Variants in NRXN3 observed in about 807,000 individuals in gnomAD.
NRXN3 encodes the protein neurexin 3, also known as neurexin III.
In NRXN3, 32 loss-of-function variants were observed where a neutral mutation model predicts 137.6. The ratio of observed to expected loss-of-function variants is 0.23; its 90% confidence interval spans 0.18 to 0.31. The LOEUF is 0.31. Ranked by LOEUF, NRXN3 falls within the 10% of genes least tolerant of loss-of-function variation. NRXN3 has a pLI of 1.00. For missense variants in NRXN3, 1,574 were observed against 2,062.5 expected (o/e 0.76, Z 4.59); for synonymous variants, 798 against 784.5 (o/e 1.02, Z -0.29).
chr14:78,900,626 A>G lies in NRXN3; in HGVS notation c.2276-56616A>G, dbSNP rs2099192886. Among the ~76,000 whole-genome samples, 2 of 151,946 alleles carry G rather than the reference A, an allele frequency of 1.3e-5. 1 individual carries two copies. Among genetic ancestry groups the G allele is most frequent in the South Asian group, 4.2e-4 (2 of 4,818 alleles). ...TTAAAATTTTTACAAATCTGTAAAA[A>G]ATAAAATAGTATTATCAATGTTTTC... On this transcript the variant is annotated intron_variant, in intron 10 of 20. Coordinates refer to ENST00000335750, the MANE Select transcript of NRXN3 (RefSeq NM_001330195.2).
chr14:79,666,240 TAAG>T (rs1411895435), intron 17 of NRXN3, among the ~76,000 whole-genome samples: 1 of 152,146 alleles, frequency 6.6e-6, no homozygotes, highest in Non-Finnish European at 1.5e-5. Flanking sequence ...TGTTGTTCTT[TAAG>T]AAGATGTTCA....
chr14:79,217,749 C>G (rs2068796437), intron 15 of NRXN3, among the ~76,000 whole-genome samples: 1 of 152,148 alleles, frequency 6.6e-6, no homozygotes, highest in Non-Finnish European at 1.5e-5. Context: ...ACTGATTTAA[C>G]TGGTCTAAGG....
intron 1 of NRXN3, among the ~76,000 whole-genome samples, chr14:78,224,750 CTTTTTTTTTTTTT>C (rs35800837): frequency 2.5e-4 from 16 of 64,844 alleles, no homozygotes; most frequent in East Asian, 1.9e-3. Context: ...GTGCATGTGT[CTTTTTTTTTTTTT>C]TTTTTTTTTT....
At chr14:79,274,150 C>T (rs2079887956) in intron 15 of NRXN3, among the ~76,000 whole-genome samples, 2 of 150,074 alleles carry the variant, frequency 1.3e-5, no homozygotes, top group South Asian at 4.2e-4. Context: ...GTTTTCACAG[C>T]AGCTAACAAG....
At chr14:79,748,793 G>GT in intron 19 of NRXN3, among the ~76,000 whole-genome samples, 1 of 151,934 alleles carries the variant, frequency 6.6e-6, no homozygotes, top group East Asian at 1.9e-4. Context: ...ATTGTCAAAT[G>GT]TACAAATACA....
chr14:79,694,207 C>T (rs1160452321), intron 18 of NRXN3, among the ~76,000 whole-genome samples: 2 of 151,882 alleles, frequency 1.3e-5, no homozygotes, highest in Non-Finnish European at 2.9e-5. Context: ...CTTAGACAAT[C>T]CACTTAACCT....
intron 2 of NRXN3, among the ~76,000 whole-genome samples, chr14:78,246,783 A>G (rs1303249487): frequency 1.3e-5 from 2 of 151,200 alleles, no homozygotes; most frequent in African/African-American, 4.9e-5. Flanking sequence ...ATAGATCTAC[A>G]CAAAACAAGA....
intron 4 of NRXN3, among the ~76,000 whole-genome samples, chr14:78,635,631 A>G (rs1566942555): frequency 6.6e-6 from 1 of 152,188 alleles, no homozygotes; most frequent in Admixed American, 6.5e-5. Context: ...GTCCTTATGA[A>G]GTCCACAGAA....
chr14:79,694,134 G>A (rs1039030009), intron 18 of NRXN3, among the ~76,000 whole-genome samples: 2 of 151,940 alleles, frequency 1.3e-5, no homozygotes, highest in African/African-American at 4.8e-5. Flanking sequence ...GGGGTGGAGA[G>A]CTGGGTCATA....
At chr14:79,521,985 G>A (rs2097070175) in intron 16 of NRXN3, among the ~76,000 whole-genome samples, 1 of 152,128 alleles carries the variant, frequency 6.6e-6, no homozygotes, top group African/African-American at 2.4e-5. Context: ...TTGGGAGGAT[G>A]TTTCTATAAA....
intron 15 of NRXN3, among the ~76,000 whole-genome samples, chr14:79,318,545 G>A (rs372784413): frequency 7.2e-5 from 11 of 152,290 alleles, no homozygotes; most frequent in Middle Eastern, 3.4e-3. Flanking sequence ...ATTCTAGAAC[G>A]AAGTAATAAC....
At chr14:78,896,374 T>C (rs560471631) in intron 10 of NRXN3, among the ~76,000 whole-genome samples, 7 of 151,994 alleles carry the variant, frequency 4.6e-5, no homozygotes, top group Non-Finnish European at 7.4e-5. Context: ...TCTTGTAAAA[T>C]AATATAATAA....
intron 4 of NRXN3, among the ~76,000 whole-genome samples, chr14:78,606,880 C>T (rs1257257807): frequency 2.0e-5 from 3 of 152,138 alleles, no homozygotes; most frequent in East Asian, 1.9e-4. Flanking sequence ...TTTTAAGTAA[C>T]GTATAAACCT....
chr14:78,806,597 T>C (rs1166534073), intron 9 of NRXN3, among the ~76,000 whole-genome samples: 2 of 152,238 alleles, frequency 1.3e-5, no homozygotes, highest in African/African-American at 4.8e-5. Context: ...AAGCCTAGTA[T>C]ATATTTCTCT....
At chr14:79,448,449 AG>A (rs1346127612) in intron 15 of NRXN3, among the ~76,000 whole-genome samples, 1 of 152,248 alleles carries the variant, frequency 6.6e-6, no homozygotes, top group Non-Finnish European at 1.5e-5. Flanking sequence ...TATTAAGTCA[AG>A]GACTTTGCTA....
intron 10 of NRXN3, among the ~76,000 whole-genome samples, chr14:78,864,753 G>A (rs2099082202): frequency 6.6e-6 from 1 of 152,140 alleles, no homozygotes; most frequent in South Asian, 2.1e-4. Context: ...TTCATAAAGA[G>A]TGGACAGTCT....
intron 14 of NRXN3, among the ~76,000 whole-genome samples, chr14:78,984,445 A>G (rs1482027873): frequency 1.3e-5 from 2 of 152,232 alleles, no homozygotes; most frequent in Non-Finnish European, 2.9e-5. Flanking sequence ...AGTTCTGCTA[A>G]TGGGGGCTTC....
chr14:79,106,389 A>T (rs538788819), intron 15 of NRXN3, among the ~76,000 whole-genome samples: 1 of 152,242 alleles, frequency 6.6e-6, no homozygotes, highest in East Asian at 1.9e-4. Flanking sequence ...AAGCCAGAAG[A>T]ACTGCTTTAC....
chr14:79,795,037 T>A (rs546743022), intron 19 of NRXN3, among the ~76,000 whole-genome samples: 1 of 152,322 alleles, frequency 6.6e-6, no homozygotes, highest in African/African-American at 2.4e-5. Flanking sequence ...CAAAAAACCC[T>A]GTGGATGACC....
Sources: allele counts gnomAD v4.1 joint callset (sites outside exome capture counted in the v4.1 genomes callset), GRCh38; gene constraint gnomAD v4.1.1; transcripts MANE v1.5; gene names NCBI Gene and HGNC (gene_info 2026-07-23, HGNC 2026-07-21).